Variants in BCL2L13 observed in about 807,000 individuals in gnomAD.
BCL2L13 encodes BCL2 like 13.
BCL2L13 carries 13 observed loss-of-function variants against 25.8 expected under a neutral mutation model. That is an observed-to-expected ratio of 0.50 (90% CI 0.33 to 0.80). The LOEUF is 0.80. Ranked by LOEUF, BCL2L13 falls within the 30% of genes least tolerant of loss-of-function variation. The probability of loss-of-function intolerance (pLI) is 0.02; values close to 1 mark genes in which losing one functional copy is unlikely to be tolerated. For synonymous variants in BCL2L13, 244 were observed against 230.3 expected, an observed-to-expected ratio of 1.06 and a Z score of -0.54; for missense variants, 504 against 574.9, an observed-to-expected ratio of 0.88 and a Z score of 1.26.
At chr22:17,653,642 C>G (rs1366407339) in intron 1 of BCL2L13, among the ~76,000 whole-genome samples, 1 of 151,462 alleles carries the variant, frequency 6.6e-6, no homozygotes, top group African/African-American at 2.4e-5. Flanking sequence ...GTAACTAGGA[C>G]TACAGGCGCA....
chr22:17,690,650 C>T (rs1216252021), intron 4 of BCL2L13, among the ~76,000 whole-genome samples: 1 of 152,116 alleles, frequency 6.6e-6, no homozygotes, highest in Non-Finnish European at 1.5e-5. Flanking sequence ...GTAGTCCCAG[C>T]CACTTGGGAG....
At chr22:17,684,920 G>GA (rs1019791102) in intron 3 of BCL2L13, among the ~76,000 whole-genome samples, 6 of 152,080 alleles carry the variant, frequency 3.9e-5, no homozygotes, top group African/African-American at 1.4e-4. Flanking sequence ...TTTTAGTAGA[G>GA]ACGGGGTTTC....
chr22:17,647,302 G>T (rs1357417208), intron 1 of BCL2L13, among the ~76,000 whole-genome samples: 1 of 151,862 alleles, frequency 6.6e-6, no homozygotes, highest in African/African-American at 2.4e-5. Context: ...TGGAGACGGG[G>T]TTTCACTGTG....
intron 6 of BCL2L13, among the ~76,000 whole-genome samples, chr22:17,715,155 TATATATATATATATA>T (rs1336479494): frequency 0.012 from 65 of 5,224 alleles, 1 homozygote; most frequent in African/African-American, 0.017. Context: ...TATATATATA[TATATATATATATATA>T]TTTTTTTTTT....
chr22:17,719,753 C>A (rs1405967960), intron 6 of BCL2L13, among the ~76,000 whole-genome samples: 1 of 143,150 alleles, frequency 7.0e-6, no homozygotes, highest in Non-Finnish European at 1.5e-5. Flanking sequence ...CGCTGGAATC[C>A]GGGAGGCGGA....
At chr22:17,653,879 A>G (rs2058765340) in intron 1 of BCL2L13, among the ~76,000 whole-genome samples, 1 of 140,088 alleles carries the variant, frequency 7.1e-6, no homozygotes, top group Non-Finnish European at 1.5e-5. Flanking sequence ...TCATTCTAGG[A>G]TATTTATCTT....
chr22:17,653,495 AT>A (rs34652783), intron 1 of BCL2L13, among the ~76,000 whole-genome samples: 14,977 of 110,676 alleles, frequency 0.14, 800 homozygotes, highest in African/African-American at 0.25. Flanking sequence ...CTCCAGTATG[AT>A]TTTTTTTTTT....
rs1289966075 is a variant in BCL2L13 at position 17,730,253 on chromosome 22, ATGATCATCATTCCC to A, written c.*2721_*2734del. The A allele has an allele frequency of 3.9e-5, 6 of 152,150 alleles. No homozygotes were observed. Among genetic ancestry groups the A allele is most frequent in the Non-Finnish European group, 5.9e-5 (4 of 68,016 alleles). 9.4% of individuals were successfully genotyped at this position (152,150 alleles called of 1,614,324 possible). ...TGCGGTGTGCCTTAAGGGGACTCTCATGATCATCATTCCCTTCTAGAGAACATTCTAGATGAAGA... is the reference window on the plus strand; with the variant it reads ...TGCGGTGTGCCTTAAGGGGACTCTCATTCTAGAGAACATTCTAGATGAAGA... On this transcript the variant is annotated 3_prime_UTR_variant, in exon 7 of 7. Coordinates refer to ENST00000317582, the MANE Select transcript of BCL2L13 (RefSeq NM_015367.4).
At chr22:17,675,618 A>G (rs932909178) in intron 2 of BCL2L13, among the ~76,000 whole-genome samples, 7 of 152,202 alleles carry the variant, frequency 4.6e-5, no homozygotes, top group Non-Finnish European at 8.8e-5. Context: ...TATGACAGTG[A>G]TTGATCAAAA....
chr22:17,651,554 G>T (rs2146473576), intron 1 of BCL2L13, among the ~76,000 whole-genome samples: 1 of 142,340 alleles, frequency 7.0e-6, no homozygotes, highest in Non-Finnish European at 1.5e-5. Context: ...GCTAATTTTT[G>T]TATTTTTAGT....
At chr22:17,669,742 T>C (rs1647101635) in intron 2 of BCL2L13, among the ~76,000 whole-genome samples, 1 of 152,084 alleles carries the variant, frequency 6.6e-6, no homozygotes, top group Admixed American at 6.6e-5. Context: ...GTTATGTGAG[T>C]GGAACCAGTG....
intron 3 of BCL2L13, among the ~76,000 whole-genome samples, chr22:17,685,647 T>C (rs2059904678): frequency 6.6e-6 from 1 of 152,166 alleles, no homozygotes; most frequent in Admixed American, 6.6e-5. Flanking sequence ...CATTCATTAG[T>C]TAATGGAAAT....
chr22:17,646,949 ATATATATTTTTT>A (rs1277706483), intron 1 of BCL2L13, among the ~76,000 whole-genome samples: 2 of 22,976 alleles, frequency 8.7e-5, no homozygotes, highest in African/African-American at 3.6e-4. Flanking sequence ...ATATATATAT[ATATATATTTTTT>A]TTTTTTTTTT....
At chr22:17,717,620 G>A (rs3788279) in intron 6 of BCL2L13, among the ~76,000 whole-genome samples, 78,118 of 151,896 alleles carry the variant, frequency 0.51, 20,801 homozygotes, top group East Asian at 0.84. Context: ...CTCTTTGAAG[G>A]TAGAGATTGT....
chr22:17,678,839 A>G (rs2059649443), intron 2 of BCL2L13, among the ~76,000 whole-genome samples: 1 of 152,208 alleles, frequency 6.6e-6, no homozygotes, highest in Admixed American at 6.5e-5. Flanking sequence ...CAGTGGATAA[A>G]TGAATAGTAG....
Position 17,642,727 on chromosome 22 carries a change from G to A in BCL2L13, c.-51+3841G>A, listed in dbSNP as rs557698864. On this transcript the variant is annotated intron_variant, in intron 1 of 6. Coordinates refer to ENST00000317582, the MANE Select transcript of BCL2L13 (RefSeq NM_015367.4). The stretch of plus-strand genomic sequence containing the variant: ...TCCTGCCTCAGCCTTCCAAGTAGCT[G>A]GGATTATGGGCACACACCACCATAC... Among the ~76,000 whole-genome samples, 3 of 151,980 alleles carry A rather than the reference G, an allele frequency of 2.0e-5. No individual in the cohort carries two copies. In the South Asian group the frequency reaches 6.2e-4, roughly 32 times the overall value.
At position 17,728,337 on chromosome 22, in the gene BCL2L13, A is replaced by G. The variant is rs143968710; in HGVS notation, c.*803A>G. 6.6e-6 allele frequency: 1 copy of G among 152,358 alleles called. No homozygotes were observed. Among genetic ancestry groups the G allele is most frequent in the African/African-American group, 2.4e-5 (1 of 41,588 alleles). The allele number at this position is 152,358 out of a possible 1,614,324, so 9.4% of individuals were successfully genotyped here. On this transcript the variant is annotated 3_prime_UTR_variant, in exon 7 of 7. Coordinates refer to ENST00000317582, the MANE Select transcript of BCL2L13 (RefSeq NM_015367.4). ...AATCTTCGAAATATGTACACAGAGA[A>G]AATCACATGAAGGAGACCTGGGGTC...
rs149651649 is a variant in BCL2L13 at position 17,691,224 on chromosome 22, A to G, written c.386+2082A>G. 3.0e-3 allele frequency among the ~76,000 whole-genome samples: 463 copies of G among 152,176 alleles called. 5 individuals carry two copies. Among genetic ancestry groups the G allele is most frequent in the African/African-American group, 0.01 (428 of 41,508 alleles). On this transcript the variant is annotated intron_variant, in intron 4 of 6. Coordinates refer to ENST00000317582, the MANE Select transcript of BCL2L13 (RefSeq NM_015367.4). Reference sequence around the variant, plus strand: ...GAGCACGTGTACTTTCATATATTTTATATTCTGAGGTTACATCTAAGACTT... The same window carrying G: ...GAGCACGTGTACTTTCATATATTTTGTATTCTGAGGTTACATCTAAGACTT...
chr22:17,699,941 G>A (rs930980826), intron 5 of BCL2L13, among the ~76,000 whole-genome samples: 5 of 151,998 alleles, frequency 3.3e-5, no homozygotes, highest in Admixed American at 6.6e-5. Context: ...GGCCTTGGAC[G>A]TCATCATACA....
Sources: gnomAD v4.1 joint callset for allele counts (sites outside exome capture counted in the v4.1 genomes callset) on GRCh38, gnomAD v4.1.1 for gene constraint, MANE v1.5 for transcripts, NCBI Gene and HGNC (gene_info 2026-07-23, HGNC 2026-07-21) for gene names.